The following RAPGEF4 variants were observed in gnomAD, a reference collection of about 807,000 sequenced individuals.
The protein encoded by RAPGEF4 is RAP guanine-nucleotide-exchange factor (GEF) 4.
RAPGEF4 carries 66 observed loss-of-function variants against 147.9 expected under a neutral mutation model. That is an observed-to-expected ratio of 0.45 (90% CI 0.37 to 0.55). The LOEUF is 0.55. Ranked by LOEUF, RAPGEF4 falls within the 20% of genes least tolerant of loss-of-function variation. The pLI is 0.00. For synonymous variants in RAPGEF4, 419 were observed against 442.7 expected (o/e 0.95, Z 0.67); for missense variants, 1,071 against 1,257.3 (o/e 0.85, Z 2.24).
chr2:172,935,215 T>A (rs891536726), intron 6 of RAPGEF4, among the ~76,000 whole-genome samples: 3 of 152,148 alleles, frequency 2.0e-5, no homozygotes, highest in Non-Finnish European at 4.4e-5. Flanking sequence ...GGGCTCACAG[T>A]GGAGCCGGCC....
chr2:172,991,865 C>G (rs2166590), intron 15 of RAPGEF4, among the ~76,000 whole-genome samples: 28,498 of 152,110 alleles, frequency 0.19, 2,957 homozygotes, highest in Middle Eastern at 0.31. Flanking sequence ...GGTGAATCAA[C>G]ATATTTGCAA....
chr2:173,045,197 C>T (rs797003693), intron 29 of RAPGEF4, among the ~76,000 whole-genome samples: 26 of 152,284 alleles, frequency 1.7e-4, no homozygotes, highest in African/African-American at 6.0e-4. Context: ...CACTCTGGTC[C>T]AAGAAATCAA....
At chr2:172,951,911 C>T (rs1306544212) in intron 6 of RAPGEF4, among the ~76,000 whole-genome samples, 1 of 152,156 alleles carries the variant, frequency 6.6e-6, no homozygotes, top group Non-Finnish European at 1.5e-5. Flanking sequence ...GAAGCATACA[C>T]ACCTTCTAGG....
chr2:172,875,240 T>C (rs574320636), intron 4 of RAPGEF4, among the ~76,000 whole-genome samples: 1 of 152,326 alleles, frequency 6.6e-6, no homozygotes, highest in Admixed American at 6.5e-5. Flanking sequence ...GTGCAGAAGC[T>C]CTTTAGTTTA....
intron 1 of RAPGEF4, among the ~76,000 whole-genome samples, chr2:172,793,632 C>T (rs544596229): frequency 1.3e-5 from 2 of 152,286 alleles, no homozygotes; most frequent in South Asian, 4.1e-4. Flanking sequence ...CCATCAAGAA[C>T]AGCAGTGGGT....
At chr2:172,812,017 C>T (rs1688072663) in intron 3 of RAPGEF4, among the ~76,000 whole-genome samples, 1 of 152,196 alleles carries the variant, frequency 6.6e-6, no homozygotes, top group Non-Finnish European at 1.5e-5. Flanking sequence ...CAATGCCCAA[C>T]CATACCTCCC....
At chr2:173,000,847 T>C (rs1379250771) in intron 16 of RAPGEF4, among the ~76,000 whole-genome samples, 3 of 151,768 alleles carry the variant, frequency 2.0e-5, no homozygotes, top group Admixed American at 1.3e-4. Flanking sequence ...TACCTTTCAT[T>C]GCTTCTTTTG....
chr2:172,890,365 G>T (rs887025203), intron 4 of RAPGEF4, among the ~76,000 whole-genome samples: 2 of 152,196 alleles, frequency 1.3e-5, no homozygotes, highest in Admixed American at 1.3e-4. Context: ...CAGGAGAATA[G>T]ATTTCTAATT....
At chr2:172,871,625 CTTTTT>C (rs57511364) in intron 4 of RAPGEF4, among the ~76,000 whole-genome samples, 1 of 132,328 alleles carries the variant, frequency 7.6e-6, no homozygotes, top group Admixed American at 7.6e-5. Flanking sequence ...AAAAAGCAGA[CTTTTT>C]TTTTTTTTTT....
intron 17 of RAPGEF4, among the ~76,000 whole-genome samples, chr2:173,002,841 G>C (rs574614134): frequency 3.9e-5 from 6 of 152,236 alleles, no homozygotes; most frequent in Admixed American, 1.3e-4. Flanking sequence ...ACCGAGTAAT[G>C]ATGGCTTAAT....
chr2:172,882,592 G>T (rs1696748040), intron 4 of RAPGEF4, among the ~76,000 whole-genome samples: 1 of 152,142 alleles, frequency 6.6e-6, no homozygotes, highest in Non-Finnish European at 1.5e-5. Flanking sequence ...AGAAACTCAA[G>T]GTCTGTGTTT....
intron 4 of RAPGEF4, 91 bp from the exon 5 acceptor site, chr2:172,917,711 C>T: frequency 9.0e-7 from 1 of 1,107,540 alleles, no homozygotes; most frequent in Non-Finnish European, 1.4e-6. Flanking sequence ...TGCTTCCTGA[C>T]ACCCAGCATT....
chr2:172,914,398 G>C lies in RAPGEF4; in HGVS notation c.445-3404G>C, dbSNP rs1057162138. 1.0e-4 allele frequency among the ~76,000 whole-genome samples: 14 copies of C among 133,960 alleles called. No homozygotes were observed. The Admixed American group carries it at 1.2e-3, about 12-fold the overall frequency. 87.9% of individuals were successfully genotyped at this position (133,960 alleles called of 152,430 possible). A position where few individuals can be genotyped will look rare whatever the true frequency, so the allele number is the denominator to read the frequency against. ...TGCCCAGGTTGGAGTGCAATGGCACGATCTTGGTTCACTGCAACTTCCACC... is the reference window on the plus strand; with the variant it reads ...TGCCCAGGTTGGAGTGCAATGGCACCATCTTGGTTCACTGCAACTTCCACC... On this transcript the variant is annotated intron_variant, in intron 4 of 30. Transcript: ENST00000397081.
At chr2:173,018,965 T>C (rs537782974) in intron 22 of RAPGEF4, among the ~76,000 whole-genome samples, 163 bp downstream of exon 22, 4 of 152,128 alleles carry the variant, frequency 2.6e-5, no homozygotes, top group Non-Finnish European at 5.9e-5. Flanking sequence ...TAGAGGTGGG[T>C]TGGGTTTCTA....
At chr2:172,984,183 T>C (rs6738094) in intron 11 of RAPGEF4, among the ~76,000 whole-genome samples, 11,146 of 152,096 alleles carry the variant, frequency 0.073, 600 homozygotes, top group South Asian at 0.16. Context: ...TAGGAACACC[T>C]CCTCCCTTAA....
chr2:172,888,174 T>C (rs1281593473), intron 4 of RAPGEF4, among the ~76,000 whole-genome samples: 1 of 152,160 alleles, frequency 6.6e-6, no homozygotes, highest in Non-Finnish European at 1.5e-5. Flanking sequence ...GTGGGGGTAA[T>C]GAGAAACACA....
At chr2:172,860,313 T>G in intron 4 of RAPGEF4, 1 of 985,414 alleles carries the variant, frequency 1.0e-6, no homozygotes, top group Non-Finnish European at 1.2e-6. Context: ...AGTTTCAGCT[T>G]GTTTTATCCA....
chr2:172,749,974 G>T (rs1257086368), intron 1 of RAPGEF4, among the ~76,000 whole-genome samples: 1 of 152,074 alleles, frequency 6.6e-6, no homozygotes, highest in African/African-American at 2.4e-5. Flanking sequence ...CTTTTCTCCA[G>T]TTCCCAAAAA....
chr2:172,967,080 G>A (rs1689919779), intron 9 of RAPGEF4, 181 bp from the exon 10 acceptor site: 2 of 601,592 alleles, frequency 3.3e-6, no homozygotes, highest in Admixed American at 6.1e-5. Context: ...GTGCATGACT[G>A]CAGCCCCGAG....
Sources: gnomAD v4.1 joint callset for allele counts (sites outside exome capture counted in the v4.1 genomes callset) on GRCh38, gnomAD v4.1.1 for gene constraint, MANE v1.5 for transcripts, NCBI Gene and HGNC (gene_info 2026-07-23, HGNC 2026-07-21) for gene names.